The following PTPRT variants were observed in gnomAD, a reference collection of about 807,000 sequenced individuals.
The protein encoded by PTPRT is protein tyrosine phosphatase receptor type T.
In PTPRT, 56 loss-of-function variants were observed where a neutral mutation model predicts 176.8. That is an observed-to-expected ratio of 0.32 (90% CI 0.26 to 0.40). The LOEUF (loss-of-function observed/expected upper bound fraction) is 0.40. Ranked by LOEUF, PTPRT falls within the 10% of genes least tolerant of loss-of-function variation. PTPRT has a pLI of 1.00. For synonymous variants in PTPRT, 783 were observed against 739.0 expected, an observed-to-expected ratio of 1.06 and a Z score of -0.96; for missense variants, 1,540 against 1,908.2, an observed-to-expected ratio of 0.81 and a Z score of 3.60.
In PTPRT at chr20:42,920,223, A is replaced by G. The variant is rs147025484; in HGVS notation, c.89-34291T>C. ...TCCTTGCCACGGAATATTACCCAGC[A>G]TGAACTATTAATATACGCAACAAGA... On this transcript the variant is annotated intron_variant, in intron 1 of 30. Transcript: ENST00000373187. Among the ~76,000 whole-genome samples the G allele has an allele frequency of 2.5e-3, 383 of 152,366 alleles. 1 individual carries two copies. Among genetic ancestry groups the G allele is most frequent in the African/African-American group, 8.7e-3 (362 of 41,576 alleles).
At chr20:42,090,252 A>T (rs917662963) in intron 27 of PTPRT, among the ~76,000 whole-genome samples, 2 of 151,742 alleles carry the variant, frequency 1.3e-5, no homozygotes, top group African/African-American at 2.4e-5. Context: ...TTTTTCCTCC[A>T]CTTAGTAGCT....
intron 9 of PTPRT, among the ~76,000 whole-genome samples, chr20:42,404,920 T>C (rs1483450487): frequency 1.4e-5 from 2 of 142,814 alleles, no homozygotes; most frequent in Non-Finnish European, 3.0e-5. Context: ...TAATTTTTTG[T>C]CATGACAGAT....
rs181503842 is a variant in PTPRT, at chr20:42,916,138, C to T, written c.89-30206G>A. ...CCTCCCCCCACCCCACAACAGTCCC[C>T]GGTGTGTGATGTTCCCCTTCCTGTG... is the stretch of plus-strand genomic sequence containing the variant. On this transcript the variant is annotated intron_variant, in intron 1 of 30. Transcript: ENST00000373187. Among the ~76,000 whole-genome samples the T allele has an allele frequency of 2.4e-3, 325 of 137,670 alleles. 1 individual carries two copies. The highest frequency in any genetic ancestry group is 8.2e-3 in the African/African-American group (299 of 36,566). 90.3% of individuals were successfully genotyped at this position (137,670 alleles called of 152,430 possible).
At chr20:42,577,726 G>A (rs145430072) in intron 7 of PTPRT, among the ~76,000 whole-genome samples, 1 of 151,548 alleles carries the variant, frequency 6.6e-6, no homozygotes, top group Non-Finnish European at 1.5e-5. Context: ...TCAACAGCAC[G>A]GAGATGTGTG....
At chr20:42,050,287 A>G in the PTPRT span, among the ~76,000 whole-genome samples, 1 of 152,114 alleles carries the variant, frequency 6.6e-6, no homozygotes, top group South Asian at 2.1e-4. Flanking sequence ...TCTCTTCCAA[A>G]GGATTGGTAG....
intron 7 of PTPRT, among the ~76,000 whole-genome samples, chr20:42,620,254 G>C (rs1204278049): frequency 6.7e-6 from 1 of 150,104 alleles, no homozygotes; most frequent in Non-Finnish European, 1.5e-5. Flanking sequence ...AGGCTGCTCG[G>C]GGGTCAGGGG....
At chr20:42,546,030 A>G (rs2072667823) in intron 7 of PTPRT, among the ~76,000 whole-genome samples, 1 of 152,236 alleles carries the variant, frequency 6.6e-6, no homozygotes, top group South Asian at 2.1e-4. Context: ...ACATACAAAT[A>G]CATGTATACA....
In PTPRT at chr20:43,087,382, TTTTTTTC is replaced by T. The variant is rs1163812837; in HGVS notation, c.88+102257_88+102263del. Among the ~76,000 whole-genome samples the T allele has an allele frequency of 1.5e-3, 214 of 144,356 alleles. 4 individuals are homozygous for T. The highest frequency in any genetic ancestry group is 6.5e-3 in the South Asian group (29 of 4,488). 94.7% of individuals were successfully genotyped at this position (144,356 alleles called of 152,430 possible). A position where few individuals can be genotyped will look rare whatever the true frequency, so the allele number is the denominator to read the frequency against. ...TCCGTCCTTTTTTTTTTTTTTTTTT[TTTTTTTC>T]TCCGAAACAGGGTCGCCCAGGCTGA... On this transcript the variant is annotated intron_variant, in intron 1 of 30. Coordinates refer to ENST00000373187, the MANE Select transcript of PTPRT (RefSeq NM_007050.6).
chr20:42,322,591 C>T (rs2057816558), intron 11 of PTPRT, among the ~76,000 whole-genome samples: 1 of 146,626 alleles, frequency 6.8e-6, no homozygotes, highest in Non-Finnish European at 1.5e-5. Flanking sequence ...CTTCCTTACA[C>T]CTTATACAAA....
chr20:42,650,804 A>T (rs2075015829), intron 7 of PTPRT, among the ~76,000 whole-genome samples: 1 of 152,322 alleles, frequency 6.6e-6, no homozygotes, highest in East Asian at 1.9e-4. Context: ...AAACAACCAC[A>T]GTGGAGAAAA....
chr20:42,898,065 G>A (rs958619804), intron 1 of PTPRT, among the ~76,000 whole-genome samples: 2 of 152,178 alleles, frequency 1.3e-5, no homozygotes, highest in Non-Finnish European at 2.9e-5. Context: ...AGGGCTAATT[G>A]TGGTATGCTA....
At chr20:42,552,088 G>A (rs2072781289) in intron 7 of PTPRT, among the ~76,000 whole-genome samples, 2 of 152,084 alleles carry the variant, frequency 1.3e-5, no homozygotes, top group Admixed American at 1.3e-4. Flanking sequence ...ACTATTAAGG[G>A]AATAAATATA....
At chr20:42,710,056 T>C (rs548652483) in intron 6 of PTPRT, among the ~76,000 whole-genome samples, 19 of 152,284 alleles carry the variant, frequency 1.2e-4, no homozygotes, top group African/African-American at 3.6e-4. Flanking sequence ...TAATAGCCTA[T>C]GATCAGATGT....
intron 14 of PTPRT, among the ~76,000 whole-genome samples, chr20:42,242,802 C>T (rs2056379285): frequency 6.6e-6 from 1 of 152,192 alleles, no homozygotes; most frequent in South Asian, 2.1e-4. Context: ...ACATGTACTT[C>T]TTCCCTCACT....
chr20:42,215,084 A>C (rs765408425), intron 15 of PTPRT, among the ~76,000 whole-genome samples: 12 of 152,254 alleles, frequency 7.9e-5, no homozygotes, highest in Non-Finnish European at 1.6e-4. Context: ...CATTTGTTAC[A>C]TAATAGGTGA....
intron 7 of PTPRT, among the ~76,000 whole-genome samples, chr20:42,525,086 C>A (rs1379390724): frequency 2.6e-5 from 4 of 152,142 alleles, no homozygotes; most frequent in African/African-American, 9.7e-5. Context: ...CTCCCGGGCC[C>A]AAGCTATTCT....
chr20:42,350,230 T>TG (rs1568799527), intron 11 of PTPRT, among the ~76,000 whole-genome samples: 84 of 78,614 alleles, frequency 1.1e-3, no homozygotes, highest in African/African-American at 2.2e-3. Context: ...TTTTTTTTTT[T>TG]TTTTTTTTTT....
chr20:42,976,193 A>G (rs1982938815), intron 1 of PTPRT, among the ~76,000 whole-genome samples: 1 of 152,166 alleles, frequency 6.6e-6, no homozygotes, highest in South Asian at 2.1e-4. Flanking sequence ...TTTCATCTGG[A>G]CTACAATAAT....
At chr20:42,494,056 TA>T (rs1324770442) in intron 7 of PTPRT, among the ~76,000 whole-genome samples, 8 of 152,118 alleles carry the variant, frequency 5.3e-5, no homozygotes, top group African/African-American at 1.7e-4. Flanking sequence ...AATATGAAGA[TA>T]GGGGCTTTTC....
Sources: allele counts gnomAD v4.1 joint callset (sites outside exome capture counted in the v4.1 genomes callset), GRCh38; gene constraint gnomAD v4.1.1; transcripts MANE v1.5; gene names NCBI Gene and HGNC (gene_info 2026-07-23, HGNC 2026-07-21).